The following SORCS2 variants were observed in gnomAD, a reference collection of about 807,000 sequenced individuals.
The protein encoded by SORCS2 is VPS10 domain-containing receptor SorCS2.
Under a neutral mutation model 141.6 loss-of-function variants are expected in SORCS2, and 100 were observed. That is an observed-to-expected ratio of 0.71 (90% CI 0.60 to 0.83). SORCS2 has a LOEUF of 0.83. Among genes scored for constraint, SORCS2 ranks in the 40% least tolerant of loss-of-function variants. The pLI is 0.00. For missense variants in SORCS2, 1,646 were observed against 1,560.2 expected, an observed-to-expected ratio of 1.05 and a Z score of -0.93; for synonymous variants, 789 against 676.9, an observed-to-expected ratio of 1.17 and a Z score of -2.57.
At chr4:7,725,324 G>T (rs375439436) in intron 20 of SORCS2, 37 bp downstream of exon 20, 2 of 1,594,560 alleles carry the variant, frequency 1.3e-6, no homozygotes, top group African/African-American at 2.7e-5. Context: ...CCTTCTTCCC[G>T]CAGGCTCCCC....
At chr4:7,564,354 G>A (rs574473527) in intron 3 of SORCS2, among the ~76,000 whole-genome samples, 9 of 152,272 alleles carry the variant, frequency 5.9e-5, no homozygotes, top group Admixed American at 2.6e-4. Flanking sequence ...CTTCCTCTCC[G>A]GAGAGCTCTC....
intron 2 of SORCS2, among the ~76,000 whole-genome samples, chr4:7,487,578 C>T (rs1468406174): frequency 6.6e-6 from 1 of 152,216 alleles, no homozygotes; most frequent in Non-Finnish European, 1.5e-5. Flanking sequence ...GCTGCATGCA[C>T]CTGGCCTCTG....
At chr4:7,208,697 C>A (rs1002848519) in intron 1 of SORCS2, among the ~76,000 whole-genome samples, 1 of 152,164 alleles carries the variant, frequency 6.6e-6, no homozygotes, top group African/African-American at 2.4e-5. Context: ...TGCATAGGGT[C>A]CCCCAAGTTT....
intron 3 of SORCS2, among the ~76,000 whole-genome samples, chr4:7,577,770 G>C (rs986108498): frequency 3.4e-5 from 5 of 149,086 alleles, no homozygotes; most frequent in African/African-American, 7.4e-5. Flanking sequence ...ATAGCATACA[G>C]GTGAAGTCAG....
chr4:7,648,630 G>A lies in SORCS2; in HGVS notation c.814-5504G>A, dbSNP rs1195686540. ...CGAGGGATGGGTTAGAAGCTGCTGGGTCTACTGAGGGCGGGCGGGGAGTGA... is the reference window on the plus strand; with the variant it reads ...CGAGGGATGGGTTAGAAGCTGCTGGATCTACTGAGGGCGGGCGGGGAGTGA... On this transcript the variant is annotated intron_variant, in intron 4 of 26. Coordinates refer to ENST00000507866, the MANE Select transcript of SORCS2 (RefSeq NM_020777.3). The surrounding 1 kb of genome is among the most constrained non-coding windows in gnomAD (Gnocchi z 4.2). 2.0e-5 allele frequency among the ~76,000 whole-genome samples: 3 copies of A among 151,956 alleles called. No homozygotes were observed. The highest frequency in any genetic ancestry group is 7.3e-5 in the African/African-American group (3 of 41,378).
chr4:7,303,514 A>G (rs1205089616), intron 1 of SORCS2, among the ~76,000 whole-genome samples: 1 of 152,132 alleles, frequency 6.6e-6, no homozygotes, highest in African/African-American at 2.4e-5. Context: ...CTCCAGGTCA[A>G]CTCTGGTTCT....
chr4:7,651,862 G>A (rs977563089), intron 4 of SORCS2, among the ~76,000 whole-genome samples: 9 of 152,200 alleles, frequency 5.9e-5, no homozygotes, highest in African/African-American at 1.7e-4. Flanking sequence ...TTCCTTAGCC[G>A]GGGACTCGGA....
intron 1 of SORCS2, among the ~76,000 whole-genome samples, chr4:7,253,876 G>A (rs1002598310): frequency 2.0e-5 from 3 of 152,326 alleles, no homozygotes; most frequent in African/African-American, 7.2e-5. Flanking sequence ...CTTGTGACCC[G>A]GGTCCCAGGC....
chr4:7,612,020 G>A (rs987360627), intron 3 of SORCS2, among the ~76,000 whole-genome samples: 8 of 152,242 alleles, frequency 5.3e-5, no homozygotes, highest in African/African-American at 1.7e-4. Context: ...ATGTGATGGG[G>A]AATGTGGTGT....
chr4:7,729,589 G>A lies in SORCS2; in HGVS notation c.2985G>A (p.Glu995=). Residue 995 remains glutamate (E), a splice_region_variant and synonymous_variant, in exon 23 of 27, where the codon GAG becomes GAA. Transcript: ENST00000507866. ...GLVVTRLLSK[E]TSVPQELLVT... ...AAGTGGCTTAACTCTCCCCGCAGGA[G>A]ACCAGCGTCCCTCAGGAGCTTCTGG... is the stretch of plus-strand genomic sequence containing the variant. 1 of 1,582,260 alleles carries A rather than the reference G, an allele frequency of 6.3e-7. No individual in the cohort carries two copies. The highest frequency in any genetic ancestry group is 8.6e-7 in the Non-Finnish European group (1 of 1,164,412).
At chr4:7,315,047 G>T (rs369449952) in intron 1 of SORCS2, among the ~76,000 whole-genome samples, 1 of 151,932 alleles carries the variant, frequency 6.6e-6, no homozygotes, top group Non-Finnish European at 1.5e-5. Flanking sequence ...TGGCCAGGCT[G>T]GTCTCGAACT....
At position 7,521,355 on chromosome 4, in the gene SORCS2, C is replaced by T. The variant is rs149024085; in HGVS notation, c.549-10175C>T. On this transcript the variant is annotated intron_variant, in intron 2 of 26. Coordinates refer to ENST00000507866, the MANE Select transcript of SORCS2 (RefSeq NM_020777.3). ...TAACACTGGGCACCCCCTCCGGCAC[C>T]GGGCTGCACTTCCTTCCCCTCTGTT... is the stretch of plus-strand genomic sequence containing the variant. Among the ~76,000 whole-genome samples, 480 of 152,282 alleles carry T rather than the reference C, an allele frequency of 3.2e-3. 1 individual carries two copies. The highest frequency in any genetic ancestry group is 5.2e-3 in the Admixed American group (80 of 15,296).
At chr4:7,357,516 T>C (rs1310321645) in intron 1 of SORCS2, among the ~76,000 whole-genome samples, 2 of 152,194 alleles carry the variant, frequency 1.3e-5, no homozygotes, top group Admixed American at 1.3e-4. Flanking sequence ...CCGGAGGCGT[T>C]GATTACGCAC....
intron 2 of SORCS2, among the ~76,000 whole-genome samples, chr4:7,514,738 C>A (rs1052944427): frequency 6.6e-6 from 1 of 152,142 alleles, no homozygotes; most frequent in Admixed American, 6.5e-5. Flanking sequence ...AGGGACACCC[C>A]TGTGAGCCTT....
intron 17 of SORCS2, among the ~76,000 whole-genome samples, chr4:7,716,025 T>C (rs1726164685): frequency 6.6e-6 from 1 of 152,232 alleles, no homozygotes; most frequent in Admixed American, 6.5e-5. Context: ...TGCAAGCAGT[T>C]ACGATGCTTT....
intron 1 of SORCS2, among the ~76,000 whole-genome samples, chr4:7,382,404 C>T (rs957678225): frequency 6.6e-6 from 1 of 152,108 alleles, no homozygotes; most frequent in Non-Finnish European, 1.5e-5. Flanking sequence ...AGGGTTAATG[C>T]CCCTGTAAGG....
chr4:7,535,324 G>T (rs772795023), intron 3 of SORCS2, among the ~76,000 whole-genome samples: 1 of 152,334 alleles, frequency 6.6e-6, no homozygotes, highest in East Asian at 1.9e-4. Flanking sequence ...GGGCAGTTAC[G>T]GTGCGGGGCC....
intron 5 of SORCS2, among the ~76,000 whole-genome samples, chr4:7,655,012 G>A (rs951644772): frequency 1.3e-5 from 2 of 152,202 alleles, no homozygotes; most frequent in Non-Finnish European, 1.5e-5. Context: ...ATCTATGAGG[G>A]CTGTGGAGGA....
At chr4:7,196,127 G>A (rs113048517) in intron 1 of SORCS2, among the ~76,000 whole-genome samples, 124 of 152,314 alleles carry the variant, frequency 8.1e-4, no homozygotes, top group African/African-American at 2.8e-3. Flanking sequence ...AGATAGAGAA[G>A]GGGACTTGCT....
Sources: gnomAD v4.1 joint callset for allele counts (sites outside exome capture counted in the v4.1 genomes callset) on GRCh38, gnomAD v4.1.1 for gene constraint, Gnocchi (gnomAD v3.1) non-coding constraint, MANE v1.5 for transcripts, NCBI Gene and HGNC (gene_info 2026-07-23, HGNC 2026-07-21) for gene names.